Variants in QSOX1 observed in about 807,000 individuals in gnomAD.
The protein encoded by QSOX1 is quiescin sulfhydryl oxidase 1.
In QSOX1, 40 loss-of-function variants were observed where a neutral mutation model predicts 76.1. The ratio of observed to expected loss-of-function variants is 0.53; its 90% CI spans 0.41 to 0.68. The LOEUF (loss-of-function observed/expected upper bound fraction) is 0.68, where lower values mean the gene tolerates loss of function less well. QSOX1 is among the 30% of genes least tolerant of loss of function. The probability of loss-of-function intolerance (pLI) is 0.00; values close to 1 mark genes in which losing one functional copy is unlikely to be tolerated. For synonymous variants in QSOX1, 392 were observed against 413.1 expected, an observed-to-expected ratio of 0.95 and a Z score of 0.62; for missense variants, 931 against 974.3, an observed-to-expected ratio of 0.96 and a Z score of 0.59.
intron 7 of QSOX1, among the ~76,000 whole-genome samples, chr1:180,184,575 C>G (rs1341955337): frequency 3.9e-5 from 6 of 152,168 alleles, no homozygotes; most frequent in Admixed American, 3.9e-4. Context: ...TTCAGGTCAC[C>G]TGTGTGTGTG....
At position 180,197,454 on chromosome 1, in the gene QSOX1, T is replaced by C; in HGVS notation, c.*417T>C. The C allele has an allele frequency of 6.8e-7, 1 of 1,479,994 alleles. No individual in the cohort carries two copies. Among genetic ancestry groups the C allele is most frequent in the Non-Finnish European group, 9.4e-7 (1 of 1,066,846 alleles). 91.7% of individuals were successfully genotyped at this position (1,479,994 alleles called of 1,614,324 possible). ...CCAGCTGGGTGGGCTGGAATGGAAC[T>C]CCTCACTAGCTGCTGGGGCTCCGCC... On this transcript the variant is annotated 3_prime_UTR_variant, in exon 12 of 12. Coordinates refer to ENST00000367602, the MANE Select transcript of QSOX1 (RefSeq NM_002826.5).
In QSOX1 at chr1:180,189,665, CAGGAA is replaced by C. The variant is rs1287813941; in HGVS notation, c.1134_1138del (p.Lys379GlyfsTer17). ...GTTTCTTTAAAACTGCCCTGGACGA[CAGGAA>C]AGAGGTGAGTCTGGGAAGCAAATAA... On this transcript the variant is annotated frameshift_variant, in exon 9 of 12. Coordinates refer to ENST00000367602, the MANE Select transcript of QSOX1 (RefSeq NM_002826.5). LOFTEE classifies it high-confidence loss of function. The C allele has an allele frequency of 6.2e-7, 1 of 1,612,722 alleles. No individual in the cohort carries two copies. The highest frequency in any genetic ancestry group is 1.1e-5 in the South Asian group (1 of 91,040).
chr1:180,196,305 A>G lies in QSOX1; in HGVS notation c.1512A>G (p.Pro504=). 1 of 1,613,730 alleles carries G rather than the reference A, an allele frequency of 6.2e-7. No homozygotes were observed. ...CCCAGTTCCCCAAGGTGCAGTGGCCACCCCGTGAACTTTGTTCTGCCTGCC... is the reference window on the plus strand; with the variant it reads ...CCCAGTTCCCCAAGGTGCAGTGGCCGCCCCGTGAACTTTGTTCTGCCTGCC... ...EDPQFPKVQW[P]PRELCSACHN... The change falls in exon 12 of 12, where the codon CCA becomes CCG. Residue 504 remains proline (P), a synonymous_variant. Coordinates refer to ENST00000367602, the MANE Select transcript of QSOX1 (RefSeq NM_002826.5). This position sits in a 1 kb window ranked among gnomAD's most constrained non-coding sequence, Gnocchi z 4.1.
At chr1:180,157,352 G>C (rs1162390150) in intron 1 of QSOX1, among the ~76,000 whole-genome samples, 1 of 152,220 alleles carries the variant, frequency 6.6e-6, no homozygotes, top group Non-Finnish European at 1.5e-5. Context: ...GGTGTTCCCT[G>C]GTGAGGCCCT....
chr1:180,167,991 A>G (rs537525355), intron 2 of QSOX1, among the ~76,000 whole-genome samples: 1 of 152,320 alleles, frequency 6.6e-6, no homozygotes, highest in African/African-American at 2.4e-5. Flanking sequence ...TCTCCCAGTG[A>G]GCATGAGCCG....
At chr1:180,188,255 C>T (rs1014247449) in intron 8 of QSOX1, among the ~76,000 whole-genome samples, 4 of 152,218 alleles carry the variant, frequency 2.6e-5, no homozygotes, top group African/African-American at 9.6e-5. Context: ...GCTGCCAGCC[C>T]TGCAGGTGCC....
intron 8 of QSOX1, 65 bp downstream of exon 8, chr1:180,186,247 AG>A (rs3216058): frequency 0.93 from 1,438,291 of 1,554,082 alleles, 669,554 homozygotes; most frequent in Non-Finnish European, 0.95. Context: ...CGTTCCTGTA[AG>A]GCTGGGCACC....
At chr1:180,164,291 AGT>A (rs2149230680) in intron 1 of QSOX1, among the ~76,000 whole-genome samples, 1 of 152,316 alleles carries the variant, frequency 6.6e-6, no homozygotes, top group South Asian at 2.1e-4. Flanking sequence ...CTCCCCAAAA[AGT>A]GTGTGGTGGG....
At chr1:180,172,196 A>G (rs530975017) in intron 2 of QSOX1, among the ~76,000 whole-genome samples, 1 of 152,296 alleles carries the variant, frequency 6.6e-6, no homozygotes, top group South Asian at 2.1e-4. Flanking sequence ...GGGTTAGACT[A>G]GAAGGATTCG....
chr1:180,154,968 C>G lies in QSOX1; in HGVS notation c.61C>G (p.Leu21Val). 6.6e-7 allele frequency: 1 copy of G among 1,505,650 alleles called. No homozygotes were observed. Among genetic ancestry groups the G allele is most frequent in the Admixed American group, 2.1e-5 (1 of 48,090 alleles). The allele number at this position is 1,505,650 out of a possible 1,614,324, so 93.3% of individuals were successfully genotyped here. A position where few individuals can be genotyped will look rare whatever the true frequency, so the allele number is the denominator to read the frequency against. ...PPSLLLLLLW[L>V]LAVPGANAAP... ...GTCGCTGCTGCTGCTGCTGCTGTGG[C>G]TGCTCGCGGTTCCCGGCGCTAACGC... Residue 21 changes from leucine (L) to valine (V), a missense_variant, in exon 1 of 12, where the codon CTG becomes GTG. By Grantham distance (32) the Leu-to-Val change is conservative (BLOSUM62 1). Transcript: ENST00000367602.
At position 180,154,871 on chromosome 1, in the gene QSOX1, C is replaced by T. The variant is rs746933057; in HGVS notation, c.-37C>T. ...GCCGCGGCGCCGGGACCCGACTCATCCGGTGCTTGCGTGTGGTGGTGAGCG... is the reference window on the plus strand; with the variant it reads ...GCCGCGGCGCCGGGACCCGACTCATTCGGTGCTTGCGTGTGGTGGTGAGCG... On this transcript the variant is annotated 5_prime_UTR_variant, in exon 1 of 12. Transcript: ENST00000367602. The T allele has an allele frequency of 7.4e-6, 10 of 1,354,242 alleles. No individual in the cohort carries two copies. Among genetic ancestry groups the T allele is most frequent in the Non-Finnish European group, 9.5e-6 (10 of 1,058,084 alleles). 83.9% of individuals were successfully genotyped at this position (1,354,242 alleles called of 1,614,324 possible). A position where few individuals can be genotyped will look rare whatever the true frequency, so the allele number is the denominator to read the frequency against.
chr1:180,185,334 A>G (rs773263600), intron 7 of QSOX1, among the ~76,000 whole-genome samples: 1 of 152,146 alleles, frequency 6.6e-6, no homozygotes, highest in Non-Finnish European at 1.5e-5. Context: ...TGAGGTCAGA[A>G]CCCAGGTCTC....
At chr1:180,156,146 T>G (rs1662372714) in intron 1 of QSOX1, among the ~76,000 whole-genome samples, 1 of 152,242 alleles carries the variant, frequency 6.6e-6, no homozygotes, top group African/African-American at 2.4e-5. Context: ...CACCTATCAT[T>G]TCAGGCACCT....
chr1:180,175,675 G>T (rs754341545), intron 3 of QSOX1, among the ~76,000 whole-genome samples: 1 of 152,172 alleles, frequency 6.6e-6, no homozygotes, highest in Non-Finnish European at 1.5e-5. Flanking sequence ...CAGAGCCCTT[G>T]GGGAAAGTCC....
At chr1:180,174,085 G>A (rs1463526906) in intron 2 of QSOX1, among the ~76,000 whole-genome samples, 1 of 152,250 alleles carries the variant, frequency 6.6e-6, no homozygotes, top group African/African-American at 2.4e-5. Context: ...GCTGTTGGAG[G>A]CAGAAGTCCA....
chr1:180,182,439 C>A, intron 6 of QSOX1, 120 bp downstream of exon 6: 1 of 1,365,662 alleles, frequency 7.3e-7, no homozygotes, highest in Non-Finnish European at 1.0e-6. Context: ...AGAGCCCCCT[C>A]AGGAGAAGCT....
At chr1:180,171,096 A>C (rs143654643) in intron 2 of QSOX1, among the ~76,000 whole-genome samples, 65 of 152,334 alleles carry the variant, frequency 4.3e-4, no homozygotes, top group African/African-American at 1.5e-3. Flanking sequence ...TTCAGACCAG[A>C]ACTGTGCCTT....
intron 2 of QSOX1, among the ~76,000 whole-genome samples, chr1:180,169,981 C>T (rs890105806): frequency 2.2e-4 from 33 of 152,274 alleles, no homozygotes; most frequent in African/African-American, 7.0e-4. Context: ...GGAATGTGGG[C>T]GGGCCTTATA....
At position 180,197,361 on chromosome 1, in the gene QSOX1, T is replaced by G; in HGVS notation, c.*324T>G. On this transcript the variant is annotated 3_prime_UTR_variant, in exon 12 of 12. Coordinates refer to ENST00000367602, the MANE Select transcript of QSOX1 (RefSeq NM_002826.5). ...ATTTGAAGTCCTGCCTCATTCTCACTGGAGCCTCAGTCTCTCCTGCTTGGT... is the reference window on the plus strand; with the variant it reads ...ATTTGAAGTCCTGCCTCATTCTCACGGGAGCCTCAGTCTCTCCTGCTTGGT... 6.2e-7 allele frequency: 1 copy of G among 1,613,922 alleles called. No homozygotes were observed. The highest frequency in any genetic ancestry group is 8.5e-7 in the Non-Finnish European group (1 of 1,179,988).
Sources: allele counts gnomAD v4.1 joint callset (sites outside exome capture counted in the v4.1 genomes callset), GRCh38; gene constraint gnomAD v4.1.1; non-coding constraint Gnocchi (gnomAD v3.1); transcripts MANE v1.5; gene names NCBI Gene and HGNC (gene_info 2026-07-23, HGNC 2026-07-21).